MDN1: variants seen among roughly 807,000 people sequenced by gnomAD.
MDN1 encodes the protein midasin.
A neutral mutation model predicts 669.2 loss-of-function variants in MDN1; 266 were observed. That is an observed-to-expected ratio of 0.40 (90% CI 0.36 to 0.44). The LOEUF (loss-of-function observed/expected upper bound fraction) is 0.44. Among genes scored for constraint, MDN1 ranks in the 20% least tolerant of loss-of-function variants. The pLI is 1.00. For missense variants in MDN1, 5,940 were observed against 6,754.0 expected, an observed-to-expected ratio of 0.88 and a Z score of 4.22; for synonymous variants, 2,385 against 2,457.1, an observed-to-expected ratio of 0.97 and a Z score of 0.87.
intron 80 of MDN1, among the ~76,000 whole-genome samples, 184 bp downstream of exon 80, chr6:89,673,052 C>T (rs1268396339): frequency 2.0e-5 from 3 of 152,174 alleles, no homozygotes; most frequent in Non-Finnish European, 2.9e-5. Context: ...ATGTAACAGG[C>T]ATCCAAACAA....
intron 93 of MDN1, 105 bp from the exon 94 acceptor site, chr6:89,653,260 T>G (rs1809007170): frequency 1.8e-6 from 2 of 1,107,792 alleles, no homozygotes; most frequent in Non-Finnish European, 2.6e-6. Flanking sequence ...ACTTCATTCA[T>G]TCACTCTCCA....
intron 15 of MDN1, among the ~76,000 whole-genome samples, chr6:89,766,946 A>G (rs1817831071): frequency 1.3e-5 from 2 of 152,134 alleles, no homozygotes; most frequent in South Asian, 2.1e-4. Context: ...TTCATTGCCA[A>G]GCTCTCCAGG....
At chr6:89,720,354 C>T (rs1310178412) in intron 40 of MDN1, among the ~76,000 whole-genome samples, 1 of 150,076 alleles carries the variant, frequency 6.7e-6, no homozygotes. Flanking sequence ...GAGCCAAGAT[C>T]ACGCCACTGT....
chr6:89,799,748 A>T (rs995816884), intron 2 of MDN1, among the ~76,000 whole-genome samples: 2 of 152,234 alleles, frequency 1.3e-5, no homozygotes, highest in African/African-American at 2.4e-5. Context: ...CCACAACGGG[A>T]AAAAGTGTAT....
chr6:89,712,698 G>A lies in MDN1; in HGVS notation c.7307C>T (p.Pro2436Leu). 1 of 1,614,086 alleles carries A rather than the reference G, an allele frequency of 6.2e-7. No individual in the cohort carries two copies. Among genetic ancestry groups the A allele is most frequent in the Non-Finnish European group, 8.5e-7 (1 of 1,179,960 alleles). ...AAAGAGAGCTGAGGGCACAGAATCT[G>A]GCCACAGTCCCATGCCAAGAATGGA... is the stretch of plus-strand genomic sequence containing the variant. ...GDSILGMGLW[P>L]DSVPSALFAT... Residue 2436 changes from proline (P) to leucine (L), a missense_variant, in exon 48 of 102, where the codon CCA becomes CTA. Physicochemically the swap from Pro to Leu is moderately conservative, Grantham distance 98. Coordinates refer to ENST00000369393, the MANE Select transcript of MDN1 (RefSeq NM_014611.3).
Position 89,674,561 on chromosome 6 carries a change from G to C in MDN1, c.12790C>G (p.His4264Asp), listed in dbSNP as rs755656723. 2.5e-6 allele frequency: 4 copies of C among 1,587,646 alleles called. No homozygotes were observed. The South Asian group carries it at 4.5e-5, about 18-fold the overall frequency. ...RNLLSCVQEI[H>D]SRLMGPQAYP... ...GCCTGGGGCCCCATCAGCCTGCTGTGAATCTCTTGCACACAGCTGAGGAGG... is the reference window on the plus strand; with the variant it reads ...GCCTGGGGCCCCATCAGCCTGCTGTCAATCTCTTGCACACAGCTGAGGAGG... The change falls in exon 79 of 102, where the codon CAC becomes GAC. Residue 4264 changes from histidine to aspartate, a missense_variant. Physicochemically the swap from His to Asp is moderately conservative, Grantham distance 81. This residue lies in a region of MDN1 where 2,280 missense variants were observed against 2,576.3 expected (regional missense o/e 0.88). Transcript: ENST00000369393.
At chr6:89,765,270 C>A (rs116956798) in intron 15 of MDN1, among the ~76,000 whole-genome samples, 92 of 112,076 alleles carry the variant, frequency 8.2e-4, no homozygotes, top group Non-Finnish European at 1.2e-3. Flanking sequence ...CACACACACA[C>A]AAAAAATTAT....
Position 89,727,889 on chromosome 6 carries a change from G to A in MDN1, c.5416C>T (p.Arg1806Cys), listed in dbSNP as rs748372187. 4.8e-5 allele frequency: 78 copies of A among 1,613,826 alleles called. 1 individual carries two copies. In the South Asian group the frequency reaches 6.3e-4, roughly 13 times the overall value. Reference protein sequence around the residue: ...EGGKGGEFAWRDGPLLAALKA... With the variant: ...EGGKGGEFAWCDGPLLAALKA... ...AAAGCTGCCAGTAAGGGGCCATCACGCCAGGCAAACTCTCCTCCCTTGCCA... is the reference window on the plus strand; with the variant it reads ...AAAGCTGCCAGTAAGGGGCCATCACACCAGGCAAACTCTCCTCCCTTGCCA... The change falls in exon 37 of 102, where the codon CGT (arginine) becomes TGT (cysteine). Residue 1806 changes from arginine to cysteine, a missense_variant. Physicochemically the swap from Arg to Cys is radical, Grantham distance 180. This residue lies in a region of MDN1 where 2,292 missense variants were observed against 2,638.3 expected (regional missense o/e 0.87). Transcript: ENST00000369393.
intron 11 of MDN1, among the ~76,000 whole-genome samples, chr6:89,777,980 A>G (rs1818438582): frequency 6.6e-6 from 1 of 152,188 alleles, no homozygotes; most frequent in Non-Finnish European, 1.5e-5. Flanking sequence ...TGCTTTGAGT[A>G]ATAATAAAAC....
intron 83 of MDN1, among the ~76,000 whole-genome samples, chr6:89,669,375 C>T (rs1055589541): frequency 1.3e-5 from 2 of 152,162 alleles, no homozygotes; most frequent in Non-Finnish European, 2.9e-5. Context: ...CATTCTTTTA[C>T]TTATTATTAC....
chr6:89,768,612 C>T (rs907126729), intron 15 of MDN1, among the ~76,000 whole-genome samples: 6 of 152,038 alleles, frequency 3.9e-5, no homozygotes, highest in Non-Finnish European at 8.8e-5. Flanking sequence ...TGGTGCACGT[C>T]TGTAGTCCCA....
Position 89,776,580 on chromosome 6 carries a change from T to C in MDN1, c.1821+20A>G. 6.3e-7 allele frequency: 1 copy of C among 1,575,778 alleles called. No individual in the cohort carries two copies. Among genetic ancestry groups the C allele is most frequent in the Non-Finnish European group, 8.7e-7 (1 of 1,150,272 alleles). On this transcript the variant is annotated intron_variant, in intron 12 of 101. Coordinates refer to ENST00000369393, the MANE Select transcript of MDN1 (RefSeq NM_014611.3). ...TCCTAGCCTCCTTTCAACAGGGAAG[T>C]AAAAAAACAGCACACATACCTTTTT...
chr6:89,664,582 G>A lies in MDN1; in HGVS notation c.14141C>T (p.Pro4714Leu). 6.2e-7 allele frequency: 1 copy of A among 1,613,404 alleles called. No homozygotes were observed. Among genetic ancestry groups the A allele is most frequent in the South Asian group, 1.1e-5 (1 of 91,054 alleles). The part of the protein sequence containing the change: ...QKGQEKDKED[P>L]DSKSDIKGED... ...GCCCTTAATATCAGATTTTGAATCA[G>A]GATCCTCTTTGTCTTTTTCTTGACC... The change falls in exon 85 of 102, where the codon CCT becomes CTT. Residue 4714 changes from proline (P) to leucine (L), a missense_variant. This residue lies in a region of MDN1 where 2,280 missense variants were observed against 2,576.3 expected (regional missense o/e 0.88). Coordinates refer to ENST00000369393, the MANE Select transcript of MDN1 (RefSeq NM_014611.3).
At chr6:89,807,603 C>G (rs1289422157) in intron 1 of MDN1, among the ~76,000 whole-genome samples, 1 of 152,178 alleles carries the variant, frequency 6.6e-6, no homozygotes, top group Non-Finnish European at 1.5e-5. Context: ...TTTTTGGGAT[C>G]TGTGAATTAT....
intron 52 of MDN1, among the ~76,000 whole-genome samples, chr6:89,707,053 A>G (rs1199225368): frequency 6.6e-6 from 1 of 152,202 alleles, no homozygotes; most frequent in Non-Finnish European, 1.5e-5. Flanking sequence ...TACTTGCTAG[A>G]GACGTGACCT....
chr6:89,725,450 C>T, intron 37 of MDN1, 54 bp from the exon 38 acceptor site: 7 of 1,426,038 alleles, frequency 4.9e-6, no homozygotes, highest in Non-Finnish European at 6.9e-6. Flanking sequence ...ACAACTGCAA[C>T]AAAAAGCAGG....
chr6:89,754,108 C>T lies in MDN1; in HGVS notation c.2939G>A (p.Gly980Asp). The stretch of plus-strand genomic sequence containing the variant: ...CTCATAGAGTGAGCGCTGAATGTTG[C>T]CACATGGATTGGAGGCTGCAAATCG... ...ALRFAASNPC[G>D]NIQRSLYEGF... Residue 980 changes from glycine (G) to aspartate (D), a missense_variant, in exon 21 of 102, where the codon GGC becomes GAC. Transcript: ENST00000369393. The T allele has an allele frequency of 6.2e-7, 1 of 1,613,990 alleles. No homozygotes were observed. The highest frequency in any genetic ancestry group is 8.5e-7 in the Non-Finnish European group (1 of 1,179,972).
At chr6:89,705,061 G>C (rs1462088473) in intron 53 of MDN1, among the ~76,000 whole-genome samples, 1 of 152,172 alleles carries the variant, frequency 6.6e-6, no homozygotes, top group Non-Finnish European at 1.5e-5. Context: ...TAGGAGGCCA[G>C]TTTTTCTTCA....
chr6:89,738,669 T>C (rs944226905), intron 32 of MDN1, among the ~76,000 whole-genome samples: 4 of 152,222 alleles, frequency 2.6e-5, no homozygotes, highest in Non-Finnish European at 5.9e-5. Flanking sequence ...ACTTTCTTAA[T>C]AGACGTGGTC....
Sources: allele counts gnomAD v4.1 joint callset (sites outside exome capture counted in the v4.1 genomes callset), GRCh38; gene constraint gnomAD v4.1.1; regional missense constraint gnomAD v4.1.1; transcripts MANE v1.5; gene names NCBI Gene and HGNC (gene_info 2026-07-23, HGNC 2026-07-21).